The following URI1 variants were observed in gnomAD, a reference collection of about 807,000 sequenced individuals.
URI1 encodes URI1 prefoldin like chaperone, also known as unconventional prefoldin RPB5 interactor 1.
A neutral mutation model predicts 60.2 loss-of-function variants in URI1; 39 were observed. That is an observed-to-expected ratio of 0.65 (90% CI 0.50 to 0.85). The LOEUF (loss-of-function observed/expected upper bound fraction) is 0.85. Among genes scored for constraint, URI1 ranks in the 40% least tolerant of loss-of-function variants. The pLI is 0.00. For missense variants in URI1, 691 were observed against 665.9 expected, an observed-to-expected ratio of 1.04 and a Z score of -0.42; for synonymous variants, 251 against 236.8, an observed-to-expected ratio of 1.06 and a Z score of -0.55.
chr19:29,945,872 T>C (rs906486673), intron 1 of URI1, among the ~76,000 whole-genome samples: 1 of 151,882 alleles, frequency 6.6e-6, no homozygotes, highest in Admixed American at 6.6e-5. Flanking sequence ...TTTTTTTTTT[T>C]CCAAAAAAAG....
At chr19:29,948,118 T>G (rs2055125080) in intron 1 of URI1, among the ~76,000 whole-genome samples, 1 of 152,240 alleles carries the variant, frequency 6.6e-6, no homozygotes, top group Admixed American at 6.5e-5. Context: ...TTCTGTTGGC[T>G]TGTCTGTTCT....
chr19:29,945,310 C>T (rs949878315), intron 1 of URI1, among the ~76,000 whole-genome samples: 8 of 152,154 alleles, frequency 5.3e-5, no homozygotes, highest in Non-Finnish European at 1.2e-4. Flanking sequence ...TTAAATGTTG[C>T]TCATTAGTTT....
intron 1 of URI1, among the ~76,000 whole-genome samples, chr19:29,929,747 T>C (rs1414418134): frequency 1.3e-5 from 2 of 152,178 alleles, no homozygotes; most frequent in Non-Finnish European, 2.9e-5. Context: ...TTTGTATATC[T>C]TCTTTGGAGA....
In URI1 at chr19:29,954,172, A is replaced by G. The variant is rs564172235; in HGVS notation, c.117+11508A>G. On this transcript the variant is annotated intron_variant, in intron 1 of 10. Coordinates refer to ENST00000392271, the MANE Select transcript of URI1 (RefSeq NM_003796.3). ...ACAATATATACAAAATAGCTTCAGA[A>G]TTACTGCATTAATACCACTGCCAAT... Among the ~76,000 whole-genome samples, 7 of 152,348 alleles carry G rather than the reference A, an allele frequency of 4.6e-5. No homozygotes were observed. In the South Asian group the frequency reaches 1.5e-3, roughly 32 times the overall value.
In URI1 at chr19:29,942,568, G is replaced by C. The variant is rs1189543395; in HGVS notation, c.21G>C (p.Glu7Asp). MEAPTV[E>D]TPPDPSPPSA... The stretch of plus-strand genomic sequence containing the variant: ...CCGTCATGGAGGCGCCCACCGTGGA[G>C]ACGCCCCCCGACCCCTCGCCCCCTT... Residue 7 changes from glutamate (E) to aspartate (D), a missense_variant, in exon 1 of 11, where the codon GAG becomes GAC. Coordinates refer to ENST00000392271, the MANE Select transcript of URI1 (RefSeq NM_003796.3). 7.5e-5 allele frequency: 107 copies of C among 1,423,256 alleles called. No individual in the cohort carries two copies. The highest frequency in any genetic ancestry group is 9.6e-5 in the Non-Finnish European group (105 of 1,089,748). The allele number at this position is 1,423,256 out of a possible 1,614,324, so 88.2% of individuals were successfully genotyped here.
At chr19:30,009,413 A>AT (rs2055990772) in intron 8 of URI1, 60 bp downstream of exon 8, 3 of 1,425,832 alleles carry the variant, frequency 2.1e-6, no homozygotes, top group East Asian at 2.3e-5. Flanking sequence ...GCATTATGAT[A>AT]TTTTTTAGAA....
upstream of URI1, among the ~76,000 whole-genome samples, chr19:29,938,570 G>A (rs1222238745): frequency 6.6e-6 from 1 of 152,162 alleles, no homozygotes; most frequent in Non-Finnish European, 1.5e-5. Flanking sequence ...GAACAGGGCT[G>A]GTGCTTGCCT....
intron 4 of URI1, among the ~76,000 whole-genome samples, chr19:29,995,249 C>G (rs1337369454): frequency 1.3e-5 from 2 of 151,958 alleles, no homozygotes; most frequent in Admixed American, 1.3e-4. Flanking sequence ...GGCATATCAT[C>G]AAGGAATATA....
At chr19:30,005,551 A>G in intron 5 of URI1, 99 bp downstream of exon 5, 1 of 1,501,032 alleles carries the variant, frequency 6.7e-7, no homozygotes, top group Non-Finnish European at 9.0e-7. Context: ...GAAGTTTAAA[A>G]TGCTTTCAGA....
At position 29,942,296 on chromosome 19, in the gene URI1, C is replaced by G. The variant is rs1333503332; in HGVS notation, c.-252C>G. ...GGCTGGGCCCGCACCGGAGAGGCGT[C>G]TCGGTACCTGGCAGGCGGCCTGCTA... is the stretch of plus-strand genomic sequence containing the variant. On this transcript the variant is annotated 5_prime_UTR_variant, in exon 1 of 11. Coordinates refer to ENST00000392271, the MANE Select transcript of URI1 (RefSeq NM_003796.3). 3 of 985,126 alleles carry G rather than the reference C, an allele frequency of 3.0e-6. No homozygotes were observed. Among genetic ancestry groups the G allele is most frequent in the Non-Finnish European group, 3.6e-6 (3 of 829,708 alleles). 61.0% of individuals were successfully genotyped at this position (985,126 alleles called of 1,614,324 possible). A position where few individuals can be genotyped will look rare whatever the true frequency, so the allele number is the denominator to read the frequency against.
At position 29,934,425 on chromosome 19, in the gene URI1, G is replaced by A. The variant is rs181997290; in HGVS notation, c.63+10671G>A. Among the ~76,000 whole-genome samples the A allele has an allele frequency of 3.9e-5, 6 of 152,368 alleles. No individual in the cohort carries two copies. The East Asian group carries it at 1.2e-3, about 29-fold the overall frequency. ...GAGGCTGGAAGTCCAAGATCAAGGTGTCAGCAGGGTTGATATTTTCTCAGG... is the reference window on the plus strand; with the variant it reads ...GAGGCTGGAAGTCCAAGATCAAGGTATCAGCAGGGTTGATATTTTCTCAGG... On this transcript the variant is annotated intron_variant, in intron 1 of 10. Coordinates refer to the URI1 transcript ENST00000360605.
chr19:29,984,346 T>C (rs1035170054), intron 2 of URI1, among the ~76,000 whole-genome samples: 7 of 152,156 alleles, frequency 4.6e-5, no homozygotes, highest in African/African-American at 1.4e-4. Context: ...GGGGAATCAC[T>C]TGAACCCAGG....
intron 1 of URI1, among the ~76,000 whole-genome samples, chr19:29,949,826 G>A (rs1295559073): frequency 1.3e-5 from 2 of 152,150 alleles, no homozygotes; most frequent in Non-Finnish European, 2.9e-5. Flanking sequence ...AGGAGAATCA[G>A]GCAGGGAGGT....
At chr19:29,973,043 T>C (rs1011791813) in intron 2 of URI1, among the ~76,000 whole-genome samples, 2 of 152,146 alleles carry the variant, frequency 1.3e-5, no homozygotes, top group African/African-American at 2.4e-5. Context: ...TGCTCAAATC[T>C]GAATGGCCAG....
At chr19:29,950,526 C>G (rs951287167) in intron 1 of URI1, among the ~76,000 whole-genome samples, 1 of 152,094 alleles carries the variant, frequency 6.6e-6, no homozygotes, top group Non-Finnish European at 1.5e-5. Flanking sequence ...AATCAGTTAG[C>G]ATTTTGTCCT....
At chr19:29,935,878 C>T (rs2054967347) in intron 1 of URI1, among the ~76,000 whole-genome samples, 1 of 151,860 alleles carries the variant, frequency 6.6e-6, no homozygotes, top group African/African-American at 2.4e-5. Flanking sequence ...CCTCTGCCTT[C>T]CAGGTTCAAG....
In URI1 at chr19:29,985,313, G is replaced by A. The variant is rs2055654299; in HGVS notation, c.231+12G>A. 1.2e-6 allele frequency: 2 copies of A among 1,601,094 alleles called. No individual in the cohort carries two copies. The highest frequency in any genetic ancestry group is 1.7e-6 in the Non-Finnish European group (2 of 1,171,432). On this transcript the variant is annotated intron_variant, in intron 3 of 10. Coordinates refer to ENST00000392271, the MANE Select transcript of URI1 (RefSeq NM_003796.3). Reference sequence around the variant, plus strand: ...CTTATAATATAATGGTATGTTTGGTGTGTTTCTTTTAAAGTAATAGTTGTT... The same window carrying A: ...CTTATAATATAATGGTATGTTTGGTATGTTTCTTTTAAAGTAATAGTTGTT...
At chr19:30,009,609 A>G (rs553951098) in intron 8 of URI1, among the ~76,000 whole-genome samples, 2 of 152,268 alleles carry the variant, frequency 1.3e-5, no homozygotes, top group South Asian at 2.1e-4. Context: ...AGTGGCAACT[A>G]CTGTAACTTC....
chr19:29,934,456 C>T (rs1362572725), intron 1 of URI1, among the ~76,000 whole-genome samples: 1 of 152,222 alleles, frequency 6.6e-6, no homozygotes, highest in Admixed American at 6.5e-5. Flanking sequence ...TCAGGCCTCA[C>T]CCCTTGGCTT....
Sources: gnomAD v4.1 joint callset for allele counts (sites outside exome capture counted in the v4.1 genomes callset) on GRCh38, gnomAD v4.1.1 for gene constraint, MANE v1.5 for transcripts, NCBI Gene and HGNC (gene_info 2026-07-23, HGNC 2026-07-21) for gene names.